MZT2A: variants seen among roughly 807,000 people sequenced by gnomAD.
MZT2A encodes mitotic spindle organizing protein 2A, also known as mitotic-spindle organizing protein 2A.
In MZT2A, 8 loss-of-function variants were observed where a neutral mutation model predicts 12.4. That is an observed-to-expected ratio of 0.64 (90% CI 0.38 to 1.16). The LOEUF (loss-of-function observed/expected upper bound fraction) is 1.16. Ranked by LOEUF, MZT2A falls within the 50% of genes most tolerant of loss-of-function variation. The pLI is 0.01. For missense variants in MZT2A, 181 were observed against 223.6 expected (o/e 0.81, Z 1.22); for synonymous variants, 88 against 107.5 (o/e 0.82, Z 1.12).
chr2:131,475,744 G>A (rs3861757), intron 2 of MZT2A, among the ~76,000 whole-genome samples: 30,651 of 151,990 alleles, frequency 0.2, 5,069 homozygotes, highest in East Asian at 0.76. Flanking sequence ...GGTAGATGGC[G>A]GCAAGGCCTC....
chr2:131,492,663 G>A (rs1665583976), upstream of MZT2A: 3 of 1,257,482 alleles, frequency 2.4e-6, no homozygotes, highest in African/African-American at 3.1e-5. Flanking sequence ...GGTCGTGCTC[G>A]CTTAGGTGGC....
At chr2:131,476,720 T>G (rs530408839) in intron 2 of MZT2A, among the ~76,000 whole-genome samples, 69 of 152,148 alleles carry the variant, frequency 4.5e-4, no homozygotes, top group African/African-American at 1.6e-3. Context: ...GATCACCTGA[T>G]GTCTGGAGTT....
At chr2:131,490,955 C>G in intron 2 of MZT2A, 1 of 1,549,230 alleles carries the variant, frequency 6.5e-7, no homozygotes, top group Non-Finnish European at 8.7e-7. Context: ...GAGGCCAGCA[C>G]GCAGGTGCCC....
chr2:131,486,219 G>A (rs542817170), intron 2 of MZT2A, among the ~76,000 whole-genome samples: 4 of 152,012 alleles, frequency 2.6e-5, no homozygotes, highest in Admixed American at 6.5e-5. Context: ...TAGCCACCAC[G>A]CATCTCTTGT....
chr2:131,473,173 C>G (rs1204653211), intron 2 of MZT2A, among the ~76,000 whole-genome samples: 1 of 151,722 alleles, frequency 6.6e-6, no homozygotes, highest in Non-Finnish European at 1.5e-5. Context: ...AAAATAAAAC[C>G]CTGCTGTTTA....
intron 2 of MZT2A, chr2:131,490,109 G>A: frequency 1.4e-6 from 1 of 711,796 alleles, no homozygotes; most frequent in Non-Finnish European, 1.7e-6. Context: ...TGAGGTGGCC[G>A]CTGTCAGGAG....
chr2:131,481,689 C>A (rs888705855), downstream of MZT2A, among the ~76,000 whole-genome samples: 1 of 151,770 alleles, frequency 6.6e-6, no homozygotes, highest in African/African-American at 2.4e-5. Flanking sequence ...CCCGCCTTAG[C>A]CTCCCAAGTG....
chr2:131,484,709 T>C (rs1678988358), intron 2 of MZT2A, among the ~76,000 whole-genome samples: 1 of 152,168 alleles, frequency 6.6e-6, no homozygotes, highest in Non-Finnish European at 1.5e-5. Flanking sequence ...AGTCCTGGAA[T>C]TGGGTTTCTG....
chr2:131,474,038 A>G lies in MZT2A; in HGVS notation c.279-1856T>C, dbSNP rs189758517. ...TTGTTCCTGACTAGCTCAACCCATT[A>G]TCTTCCTGTTCCTGGAATTTGTGAT... On this transcript the variant is annotated intron_variant and NMD_transcript_variant, in intron 2 of 4. Transcript: ENST00000427024. 9.1e-3 allele frequency among the ~76,000 whole-genome samples: 1,360 copies of G among 150,254 alleles called. 18 individuals are homozygous for G. The highest frequency in any genetic ancestry group is 0.037 in the Middle Eastern group (11 of 294).
intron 2 of MZT2A, chr2:131,490,368 G>C (rs895213283): frequency 1.9e-5 from 21 of 1,092,518 alleles, no homozygotes; most frequent in Non-Finnish European, 2.4e-5. Context: ...AGGCCGAGGC[G>C]TTTGTCACGC....
chr2:131,482,548 G>C, downstream of MZT2A: 1 of 1,598,686 alleles, frequency 6.3e-7, no homozygotes, highest in African/African-American at 1.3e-5. Flanking sequence ...CCCTTCTCTG[G>C]CAGGTGGGCA....
At chr2:131,483,293 C>G (rs1217234028), downstream of MZT2A, among the ~76,000 whole-genome samples, 2 of 152,032 alleles carry the variant, frequency 1.3e-5, no homozygotes. Context: ...AGCTGTGGGT[C>G]AAATGTGTAA....
chr2:131,473,430 G>T (rs974749224), intron 2 of MZT2A, among the ~76,000 whole-genome samples: 3 of 147,996 alleles, frequency 2.0e-5, no homozygotes, highest in African/African-American at 8.0e-5. Flanking sequence ...CACTGGGGGA[G>T]CTCCCTCTCT....
At chr2:131,482,830 A>G (rs762573075), downstream of MZT2A, 23 of 1,613,800 alleles carry the variant, frequency 1.4e-5, no homozygotes, top group South Asian at 2.4e-4. Context: ...CTGAGGCTGA[A>G]GAAGGCGAAG....
upstream of MZT2A, chr2:131,492,745 C>T (rs1439948617): frequency 8.3e-7 from 1 of 1,208,648 alleles, no homozygotes. Flanking sequence ...GTGCAATTTT[C>T]TGGTCCGCAC....
chr2:131,477,220 T>C (rs1007186242), intron 2 of MZT2A, among the ~76,000 whole-genome samples: 3 of 151,408 alleles, frequency 2.0e-5, no homozygotes, highest in African/African-American at 7.3e-5. Context: ...AGATTTTTCA[T>C]AGGGACAGGG....
chr2:131,483,562 C>T (rs61104316), downstream of MZT2A, among the ~76,000 whole-genome samples: 25,895 of 151,810 alleles, frequency 0.17, 4,049 homozygotes, highest in African/African-American at 0.42. Flanking sequence ...AAAAATACAA[C>T]AAAACTAGCC....
intron 2 of MZT2A, 135 bp downstream of exon 2, chr2:131,491,741 C>T: frequency 4.1e-6 from 5 of 1,210,716 alleles, no homozygotes; most frequent in Non-Finnish European, 4.5e-6. Context: ...ACGGATGGGC[C>T]CTGCAGGTGC....
downstream of MZT2A, chr2:131,480,588 G>A: frequency 1.2e-6 from 2 of 1,611,808 alleles, no homozygotes; most frequent in Non-Finnish European, 1.7e-6. Flanking sequence ...CTTCGAGCCA[G>A]CCAATCAAAT....
Sources: allele counts gnomAD v4.1 joint callset (sites outside exome capture counted in the v4.1 genomes callset), GRCh38; gene constraint gnomAD v4.1.1; transcripts MANE v1.5; gene names NCBI Gene and HGNC (gene_info 2026-07-23, HGNC 2026-07-21).